The following DCHS2 variants were observed in gnomAD, a reference collection of about 807,000 sequenced individuals.
The protein encoded by DCHS2 is protocadherin-23.
In DCHS2, 142 loss-of-function variants were observed where a neutral mutation model predicts 182.4. The observed-to-expected ratio is 0.78, with a 90% CI of 0.68 to 0.89. The LOEUF is 0.89. DCHS2 is among the 40% of genes least tolerant of loss of function. DCHS2 has a pLI of 0.00. For synonymous variants in DCHS2, 1,740 were observed against 1,663.3 expected, an observed-to-expected ratio of 1.05 and a Z score of -1.12; for missense variants, 4,319 against 4,198.6, an observed-to-expected ratio of 1.03 and a Z score of -0.79.
intron 1 of DCHS2, among the ~76,000 whole-genome samples, chr4:154,461,920 G>A (rs1284127243): frequency 6.6e-6 from 1 of 152,178 alleles, no homozygotes; most frequent in Non-Finnish European, 1.5e-5. Flanking sequence ...TTCCCAGAAA[G>A]TTGTCCCTGA....
At chr4:154,295,487 A>C (rs1025606443) in intron 13 of DCHS2, among the ~76,000 whole-genome samples, 16 of 152,342 alleles carry the variant, frequency 1.1e-4, no homozygotes, top group African/African-American at 3.8e-4. Flanking sequence ...GTGTTTATGG[A>C]GAAATTCATC....
At chr4:154,336,214 G>C (rs1024261053) in intron 3 of DCHS2, among the ~76,000 whole-genome samples, 2 of 152,176 alleles carry the variant, frequency 1.3e-5, no homozygotes, top group Non-Finnish European at 2.9e-5. Flanking sequence ...TGCATGTAGA[G>C]TATGTGAGAG....
At chr4:154,449,245 A>G (rs1734431837) in intron 1 of DCHS2, among the ~76,000 whole-genome samples, 2 of 152,098 alleles carry the variant, frequency 1.3e-5, no homozygotes, top group African/African-American at 2.4e-5. Flanking sequence ...TCATTGATAC[A>G]ACTGTTATTT....
chr4:154,377,528 A>C, intron 1 of DCHS2, 84 bp from the exon 2 acceptor site: 1 of 1,103,666 alleles, frequency 9.1e-7, no homozygotes, highest in Non-Finnish European at 1.3e-6. Flanking sequence ...AACAATTTGC[A>C]CAACCACATA....
At chr4:154,324,909 A>G (rs905536110) in intron 7 of DCHS2, among the ~76,000 whole-genome samples, 7 of 152,170 alleles carry the variant, frequency 4.6e-5, no homozygotes, top group African/African-American at 1.4e-4. Context: ...ACCAATTTTC[A>G]TCTCATTATT....
At chr4:154,374,060 C>A in intron 2 of DCHS2, 2 of 956,866 alleles carry the variant, frequency 2.1e-6, no homozygotes, top group South Asian at 1.6e-5. Context: ...TCTACAATAC[C>A]AGAAAAGACA....
intron 16 of DCHS2, among the ~76,000 whole-genome samples, chr4:154,252,321 C>A (rs1732408616): frequency 6.6e-6 from 1 of 152,052 alleles, no homozygotes; most frequent in African/African-American, 2.4e-5. Context: ...ACAAACAATC[C>A]AAATCTTTTA....
chr4:154,298,639 TC>T lies in DCHS2; in HGVS notation c.5674del (p.Asp1892ThrfsTer25). The T allele has an allele frequency of 6.2e-7, 1 of 1,613,968 alleles. No homozygotes were observed. Among genetic ancestry groups the T allele is most frequent in the South Asian group, 1.1e-5 (1 of 91,054 alleles). ...GGTAAAATTGCTGATTTGCTCCCGGTCCAAAGCACGAGTGGTTGAGAGTTCT... is the reference window on the plus strand; with the variant it reads ...GGTAAAATTGCTGATTTGCTCCCGGTCAAAGCACGAGTGGTTGAGAGTTCT... ...SGELSTTRAL[D>X]REQISNFTLV... On this transcript the variant is annotated frameshift_variant, in exon 13 of 20. Coordinates refer to ENST00000357232, the MANE Select transcript of DCHS2 (RefSeq NM_001358235.2). LOFTEE classifies it high-confidence loss of function.
intron 1 of DCHS2, among the ~76,000 whole-genome samples, chr4:154,459,381 TA>T (rs972845707): frequency 5.3e-5 from 8 of 150,136 alleles, no homozygotes; most frequent in Non-Finnish European, 8.9e-5. Flanking sequence ...TACGTTTCAT[TA>T]AAAAAAAAGA....
chr4:154,346,752 T>C lies in DCHS2; in HGVS notation c.2477-11648A>G, dbSNP rs570717140. On this transcript the variant is annotated intron_variant, in intron 3 of 19. Transcript: ENST00000357232. Reference sequence around the variant, plus strand: ...CTTATGTTCAAAAACTATAGAAAAATAATTCATAATTCCTAGATACCCATC... The same window carrying C: ...CTTATGTTCAAAAACTATAGAAAAACAATTCATAATTCCTAGATACCCATC... Among the ~76,000 whole-genome samples, 153 of 151,954 alleles carry C rather than the reference T, an allele frequency of 1.0e-3. 2 individuals are homozygous for C. The highest frequency in any genetic ancestry group is 3.6e-3 in the African/African-American group (149 of 41,264).
intron 3 of DCHS2, among the ~76,000 whole-genome samples, chr4:154,359,165 T>C (rs1339861647): frequency 6.6e-6 from 1 of 151,992 alleles, no homozygotes; most frequent in Non-Finnish European, 1.5e-5. Context: ...TACAGAGCAC[T>C]GGTTATTTTC....
At chr4:154,409,351 T>A (rs1340137251) in intron 1 of DCHS2, among the ~76,000 whole-genome samples, 2 of 152,216 alleles carry the variant, frequency 1.3e-5, no homozygotes, top group Non-Finnish European at 2.9e-5. Context: ...GTCACCATTA[T>A]GCAGTGTCTT....
rs570395949 is a variant in DCHS2, at chr4:154,343,317, A to G, written c.2477-8213T>C. The G allele has an allele frequency of 1.6e-5, 10 of 619,450 alleles. No homozygotes were observed. In the African/African-American group the frequency reaches 1.9e-4, roughly 11 times the overall value. 38.4% of individuals were successfully genotyped at this position (619,450 alleles called of 1,614,324 possible). A position where few individuals can be genotyped will look rare whatever the true frequency, so the allele number is the denominator to read the frequency against. On this transcript the variant is annotated intron_variant, in intron 3 of 19. Coordinates refer to ENST00000357232, the MANE Select transcript of DCHS2 (RefSeq NM_001358235.2). ...TGTTCCACTTAAAGTCACCAGCTGC[A>G]TTAGCCCCTAACAAGAGAGTCAGCC...
intron 13 of DCHS2, among the ~76,000 whole-genome samples, chr4:154,272,755 A>T (rs1269698947): frequency 1.3e-5 from 2 of 152,208 alleles, no homozygotes; most frequent in Non-Finnish European, 2.9e-5. Context: ...GAACGGACTG[A>T]TAACATCCAC....
rs1730278967 is a variant in DCHS2 at position 154,364,853 on chromosome 4, A to G, written c.2476+1357T>C. 2.6e-5 allele frequency among the ~76,000 whole-genome samples: 4 copies of G among 152,366 alleles called. No individual in the cohort carries two copies. In the South Asian group the frequency reaches 8.3e-4, roughly 32 times the overall value. ...CTGACATTATCATTACCATTACAAT[A>G]GAAACACATTCTACCCACTGTTTGG... On this transcript the variant is annotated intron_variant, in intron 3 of 19. Coordinates refer to ENST00000357232, the MANE Select transcript of DCHS2 (RefSeq NM_001358235.2).
At chr4:154,419,022 G>A (rs1579065377) in intron 1 of DCHS2, among the ~76,000 whole-genome samples, 2 of 152,176 alleles carry the variant, frequency 1.3e-5, no homozygotes, top group Admixed American at 1.3e-4. Context: ...GCATGTGGGT[G>A]CACATGCAAA....
intron 10 of DCHS2, 83 bp from the exon 11 acceptor site, chr4:154,305,314 A>T: frequency 6.9e-7 from 1 of 1,443,510 alleles, no homozygotes; most frequent in South Asian, 1.5e-5. Context: ...TCCTTTGAAC[A>T]TGTTAGGCCA....
intron 13 of DCHS2, chr4:154,284,318 TTAA>T (rs1407938106): frequency 1.2e-4 from 19 of 152,144 alleles, no homozygotes; most frequent in African/African-American, 3.9e-4. Flanking sequence ...GACTTAAATA[TTAA>T]TAAGGAGGTT....
chr4:154,373,996 TAATAGCA>T, intron 2 of DCHS2: 1 of 1,165,480 alleles, frequency 8.6e-7, no homozygotes, highest in South Asian at 1.5e-5. Flanking sequence ...GTGGATATTT[TAATAGCA>T]AAAAAAAAAA....
Sources: gnomAD v4.1 joint callset for allele counts (sites outside exome capture counted in the v4.1 genomes callset) on GRCh38, gnomAD v4.1.1 for gene constraint, MANE v1.5 for transcripts, NCBI Gene and HGNC (gene_info 2026-07-23, HGNC 2026-07-21) for gene names.